The following DPP6 variants were observed in gnomAD, a reference collection of about 807,000 sequenced individuals.
The protein encoded by DPP6 is A-type potassium channel modulatory protein DPP6.
A neutral mutation model predicts 122.6 loss-of-function variants in DPP6; 69 were observed. The observed-to-expected ratio is 0.56, with a 90% CI of 0.46 to 0.69. The LOEUF is 0.69. DPP6 is among the 30% of genes least tolerant of loss of function. The pLI is 0.00. For missense variants in DPP6, 928 were observed against 1,116.9 expected, an observed-to-expected ratio of 0.83 and a Z score of 2.41; for synonymous variants, 418 against 433.1, an observed-to-expected ratio of 0.97 and a Z score of 0.43.
intron 1 of DPP6, among the ~76,000 whole-genome samples, chr7:153,980,514 A>C (rs975106683): frequency 6.0e-5 from 9 of 151,124 alleles, no homozygotes; most frequent in Admixed American, 2.0e-4. Flanking sequence ...GGATTCATTG[A>C]TTTTTGAAGG....
intron 7 of DPP6, among the ~76,000 whole-genome samples, chr7:154,688,720 GC>G (rs755173970): frequency 2.6e-5 from 4 of 152,074 alleles, no homozygotes; most frequent in Non-Finnish European, 5.9e-5. Flanking sequence ...ATGTTTTTCT[GC>G]CTTTTTCATA....
rs1554515587 is a variant in DPP6, at chr7:154,313,712, T to TATATATATATATATATATATATATATGC, written c.244-132499_244-132498insTATATATATATATATATATATATGCATA. Among the ~76,000 whole-genome samples the TATATATATATATATATATATATATATGC allele has an allele frequency of 7.2e-4, 18 of 24,912 alleles. 3 individuals carry two copies. The highest frequency in any genetic ancestry group is 1.3e-3 in the Non-Finnish European group (13 of 10,174). The allele number at this position is 24,912 out of a possible 152,430, so 16.3% of individuals were successfully genotyped here. On this transcript the variant is annotated intron_variant, in intron 1 of 25. Transcript: ENST00000377770. ...ATATATATATATATATATATATATA[T>TATATATATATATATATATATATATATGC]ATACACACACACGCACGCACACACA... is the stretch of plus-strand genomic sequence containing the variant.
At chr7:153,772,711 C>T in the DPP6 span, among the ~76,000 whole-genome samples, 1 of 148,854 alleles carries the variant, frequency 6.7e-6, no homozygotes, top group Admixed American at 6.7e-5. Context: ...ACTATAAGCT[C>T]TTTTTGAGAA....
intron 1 of DPP6, among the ~76,000 whole-genome samples, chr7:154,344,671 C>T (rs188386231): frequency 1.3e-5 from 2 of 152,228 alleles, no homozygotes; most frequent in East Asian, 1.9e-4. Context: ...GAAGCTTGTA[C>T]GAGTTTCTTG....
chr7:154,473,683 T>C (rs1184277414), intron 2 of DPP6, among the ~76,000 whole-genome samples: 1 of 152,250 alleles, frequency 6.6e-6, no homozygotes, highest in East Asian at 1.9e-4. Flanking sequence ...TCTGTTTTTC[T>C]AACCTGCCAC....
intron 3 of DPP6, among the ~76,000 whole-genome samples, chr7:154,522,893 A>G (rs1386890708): frequency 6.6e-6 from 1 of 152,110 alleles, no homozygotes; most frequent in Non-Finnish European, 1.5e-5. Flanking sequence ...TACTTGTTTT[A>G]CCTAAACACG....
chr7:153,907,563 T>A (rs890026665), intron 1 of DPP6, among the ~76,000 whole-genome samples: 30 of 152,134 alleles, frequency 2.0e-4, no homozygotes, highest in African/African-American at 7.0e-4. Context: ...CATGAGGGTG[T>A]TTTGGATGAG....
intron 1 of DPP6, among the ~76,000 whole-genome samples, chr7:154,205,769 TAA>T (rs35151924): frequency 0.13 from 19,567 of 150,326 alleles, 1,450 homozygotes; most frequent in African/African-American, 0.19. Context: ...CTAGAATTGT[TAA>T]AAAAAAAAAA....
intron 7 of DPP6, among the ~76,000 whole-genome samples, chr7:154,689,036 A>G (rs1236224629): frequency 2.0e-5 from 3 of 152,242 alleles, no homozygotes; most frequent in Non-Finnish European, 2.9e-5. Flanking sequence ...CCCTCTCCAA[A>G]TAATGACACA....
chr7:154,177,169 C>G (rs1797847270), intron 1 of DPP6, among the ~76,000 whole-genome samples: 1 of 152,104 alleles, frequency 6.6e-6, no homozygotes, highest in Non-Finnish European at 1.5e-5. Context: ...GTAAAGTTGT[C>G]TTTGCATCTC....
chr7:154,395,030 C>G (rs1586151891), intron 1 of DPP6, among the ~76,000 whole-genome samples: 1 of 152,276 alleles, frequency 6.6e-6, no homozygotes, highest in East Asian at 1.9e-4. Flanking sequence ...GACTAGGTAG[C>G]CTCTAAACAA....
At chr7:154,217,935 C>T (rs1585657468) in intron 1 of DPP6, among the ~76,000 whole-genome samples, 1 of 152,176 alleles carries the variant, frequency 6.6e-6, no homozygotes, top group Admixed American at 6.5e-5. Flanking sequence ...GAGCAGCTGG[C>T]GGGAGTGAAT....
intron 1 of DPP6, among the ~76,000 whole-genome samples, chr7:154,206,637 G>A (rs1167041030): frequency 2.6e-5 from 4 of 152,094 alleles, no homozygotes; most frequent in Non-Finnish European, 5.9e-5. Context: ...AAAGTTGACC[G>A]CTTTCTCAAT....
chr7:153,887,656 C>T (rs1215761255), exon 1 of DPP6: 1 of 1,613,506 alleles, frequency 6.2e-7, no homozygotes, highest in Non-Finnish European at 8.5e-7. Flanking sequence ...TTCCCTGGAC[C>T]AGAAGTCGGG....
chr7:154,248,868 GA>G (rs542936174), intron 1 of DPP6, among the ~76,000 whole-genome samples: 75 of 140,756 alleles, frequency 5.3e-4, no homozygotes, highest in Admixed American at 5.0e-4. Flanking sequence ...TCCGTCTCAG[GA>G]AAAAAAAAAA....
chr7:154,474,155 A>G (rs189113821), intron 2 of DPP6, among the ~76,000 whole-genome samples: 9 of 152,304 alleles, frequency 5.9e-5, no homozygotes, highest in Admixed American at 6.5e-5. Context: ...TTCAAAGTCA[A>G]TAAGTGGATT....
At chr7:154,327,577 A>G (rs1808558542) in intron 1 of DPP6, among the ~76,000 whole-genome samples, 1 of 152,324 alleles carries the variant, frequency 6.6e-6, no homozygotes, top group Non-Finnish European at 1.5e-5. Flanking sequence ...GAAGAAAAAA[A>G]TGAAGGTAAA....
the DPP6 span, among the ~76,000 whole-genome samples, chr7:153,868,928 G>A: frequency 1.3e-5 from 2 of 152,176 alleles, no homozygotes; most frequent in Non-Finnish European, 2.9e-5. Flanking sequence ...TCATTCAGGA[G>A]CAGGTTGTTC....
intron 16 of DPP6, among the ~76,000 whole-genome samples, chr7:154,814,260 G>A (rs1435632706): frequency 1.3e-5 from 2 of 152,062 alleles, no homozygotes; most frequent in African/African-American, 2.4e-5. Flanking sequence ...TTATATTCTA[G>A]CGTAAATATA....
Sources: gnomAD v4.1 joint callset for allele counts (sites outside exome capture counted in the v4.1 genomes callset) on GRCh38, gnomAD v4.1.1 for gene constraint, MANE v1.5 for transcripts, NCBI Gene and HGNC (gene_info 2026-07-23, HGNC 2026-07-21) for gene names.